HIBADH: variants seen among roughly 807,000 people sequenced by gnomAD.
The protein encoded by HIBADH is 3-hydroxyisobutyrate dehydrogenase, also known as 3-hydroxyisobutyrate dehydrogenase, mitochondrial.
HIBADH carries 25 observed loss-of-function variants against 36.1 expected under a neutral mutation model. The ratio of observed to expected loss-of-function variants is 0.69; its 90% CI spans 0.50 to 0.97. The LOEUF is 0.97. Ranked by LOEUF, HIBADH falls within the 50% of genes least tolerant of loss-of-function variation. The pLI is 0.00. For synonymous variants in HIBADH, 160 were observed against 149.5 expected (o/e 1.07, Z -0.51); for missense variants, 421 against 418.0 (o/e 1.01, Z -0.06).
At chr7:27,618,616 C>T (rs1014467550) in intron 4 of HIBADH, among the ~76,000 whole-genome samples, 1 of 152,212 alleles carries the variant, frequency 6.6e-6, no homozygotes, top group Non-Finnish European at 1.5e-5. Context: ...CTGGTAACCA[C>T]TGACACAGGT....
chr7:27,545,927 T>C (rs892693026), intron 4 of HIBADH, among the ~76,000 whole-genome samples: 4 of 152,138 alleles, frequency 2.6e-5, no homozygotes, highest in African/African-American at 9.7e-5. Context: ...AATAGCATGG[T>C]AGAAAGGGTA....
intron 4 of HIBADH, among the ~76,000 whole-genome samples, chr7:27,625,865 G>C (rs898360174): frequency 5.9e-5 from 9 of 152,040 alleles, no homozygotes; most frequent in African/African-American, 2.2e-4. Flanking sequence ...ACTTTGGGAG[G>C]CTAAGGAGGG....
At chr7:27,609,213 T>C (rs1448697898) in intron 4 of HIBADH, among the ~76,000 whole-genome samples, 1 of 152,228 alleles carries the variant, frequency 6.6e-6, no homozygotes, top group East Asian at 1.9e-4. Flanking sequence ...GACAAACTGC[T>C]GGAGCTGCCT....
chr7:27,574,360 A>ATCATT (rs1254368047), intron 4 of HIBADH, among the ~76,000 whole-genome samples: 1 of 152,104 alleles, frequency 6.6e-6, no homozygotes, highest in African/African-American at 2.4e-5. Context: ...AATCTCTGAA[A>ATCATT]TCATTTCCCA....
At chr7:27,588,381 T>A (rs1784893013) in intron 4 of HIBADH, among the ~76,000 whole-genome samples, 1 of 152,226 alleles carries the variant, frequency 6.6e-6, no homozygotes, top group Non-Finnish European at 1.5e-5. Flanking sequence ...CAGGATGGAA[T>A]GCAGTGGCAT....
chr7:27,662,419 C>T (rs1562665682), intron 1 of HIBADH, among the ~76,000 whole-genome samples: 1 of 152,126 alleles, frequency 6.6e-6, no homozygotes, highest in Non-Finnish European at 1.5e-5. Context: ...ACTCTCTTCT[C>T]TTCAGCCCAA....
intron 2 of HIBADH, among the ~76,000 whole-genome samples, chr7:27,645,368 A>ATGTTTTTTTGTT (rs1554300959): frequency 3.4e-5 from 2 of 59,652 alleles, no homozygotes. Flanking sequence ...CATGGTTTTG[A>ATGTTTTTTTGTT]TTTTTTTTTT....
chr7:27,627,155 T>C (rs1785663139), intron 4 of HIBADH, among the ~76,000 whole-genome samples: 1 of 152,156 alleles, frequency 6.6e-6, no homozygotes, highest in African/African-American at 2.4e-5. Flanking sequence ...TGCTCCCCCA[T>C]TGTTCCTATA....
At chr7:27,643,982 G>T (rs1413858371) in intron 2 of HIBADH, among the ~76,000 whole-genome samples, 1 of 152,168 alleles carries the variant, frequency 6.6e-6, no homozygotes, top group East Asian at 1.9e-4. Flanking sequence ...ACTTTAGATC[G>T]TCAAAGACCC....
chr7:27,547,851 T>TTG (rs1457252508), intron 4 of HIBADH, among the ~76,000 whole-genome samples: 1 of 152,152 alleles, frequency 6.6e-6, no homozygotes, highest in Non-Finnish European at 1.5e-5. Context: ...ACAAAAAAAT[T>TTG]GTTCCAAATG....
chr7:27,649,155 C>G (rs1786130431), intron 2 of HIBADH: 1 of 191,834 alleles, frequency 5.2e-6, no homozygotes, highest in African/African-American at 2.3e-5. Flanking sequence ...TTATTTCCAC[C>G]AAACTAACTA....
intron 4 of HIBADH, among the ~76,000 whole-genome samples, chr7:27,581,616 G>A (rs951937520): frequency 6.6e-6 from 1 of 151,882 alleles, no homozygotes; most frequent in Non-Finnish European, 1.5e-5. Flanking sequence ...AACATATTTC[G>A]ATAAATGTAT....
intron 3 of HIBADH, 98 bp from the exon 4 acceptor site, chr7:27,629,590 A>G: frequency 1.3e-6 from 1 of 741,278 alleles, no homozygotes; most frequent in Non-Finnish European, 2.0e-6. Context: ...GCTGCCATAT[A>G]TCAAGGAGGA....
chr7:27,647,165 C>T (rs59505903), intron 2 of HIBADH, among the ~76,000 whole-genome samples: 18,803 of 152,054 alleles, frequency 0.12, 1,282 homozygotes, highest in Middle Eastern at 0.16. Flanking sequence ...AAAATAAGCA[C>T]GCGATATCAC....
intron 4 of HIBADH, among the ~76,000 whole-genome samples, chr7:27,602,334 A>T (rs1228654258): frequency 6.6e-6 from 1 of 152,118 alleles, no homozygotes; most frequent in Non-Finnish European, 1.5e-5. Flanking sequence ...TAAGGTGATT[A>T]GAGATGTTTT....
At chr7:27,611,684 G>C (rs1416695924) in intron 4 of HIBADH, among the ~76,000 whole-genome samples, 1 of 152,138 alleles carries the variant, frequency 6.6e-6, no homozygotes, top group Non-Finnish European at 1.5e-5. Flanking sequence ...ACTTTACTTT[G>C]GAAACAACAA....
At chr7:27,604,847 G>A (rs1785191694) in intron 4 of HIBADH, among the ~76,000 whole-genome samples, 1 of 152,082 alleles carries the variant, frequency 6.6e-6, no homozygotes, top group Non-Finnish European at 1.5e-5. Flanking sequence ...GGAACATCAA[G>A]GTGGGAGGTC....
chr7:27,581,754 G>GGATC (rs1784795288), intron 4 of HIBADH, among the ~76,000 whole-genome samples: 1 of 151,724 alleles, frequency 6.6e-6, no homozygotes, highest in South Asian at 2.1e-4. Context: ...AAGACTCTGT[G>GGATC]GATCCTTCAG....
chr7:27,575,224 G>A (rs377739202), intron 4 of HIBADH, among the ~76,000 whole-genome samples: 103 of 152,278 alleles, frequency 6.8e-4, no homozygotes, highest in African/African-American at 2.3e-3. Context: ...TGAGAACATA[G>A]GTATACAGTA....
Sources: allele counts gnomAD v4.1 joint callset (sites outside exome capture counted in the v4.1 genomes callset), GRCh38; gene constraint gnomAD v4.1.1; transcripts MANE v1.5; gene names NCBI Gene and HGNC (gene_info 2026-07-23, HGNC 2026-07-21).